The following CSMD1 variants were observed in gnomAD, a reference collection of about 807,000 sequenced individuals.
CSMD1 encodes CUB and Sushi multiple domains 1.
CSMD1 carries 213 observed loss-of-function variants against 417.5 expected under a neutral mutation model. That is an observed-to-expected ratio of 0.51 (90% CI 0.46 to 0.57). The LOEUF (loss-of-function observed/expected upper bound fraction) is 0.57. CSMD1 is among the 20% of genes least tolerant of loss of function. The pLI, the probability that CSMD1 is intolerant of heterozygous loss-of-function variation, is 0.00. For synonymous variants in CSMD1, 2,862 were observed against 1,736.8 expected (o/e 1.65, Z -16.11); for missense variants, 6,923 against 4,529.7 (o/e 1.53, Z -15.17).
intron 1 of CSMD1, among the ~76,000 whole-genome samples, chr8:4,945,025 A>G (rs953545592): frequency 6.6e-6 from 1 of 152,206 alleles, no homozygotes; most frequent in African/African-American, 2.4e-5. Flanking sequence ...AGATGAATGG[A>G]TAAGCAAAAG....
At chr8:4,223,051 T>G (rs1250743872) in intron 3 of CSMD1, among the ~76,000 whole-genome samples, 1 of 152,020 alleles carries the variant, frequency 6.6e-6, no homozygotes, top group Non-Finnish European at 1.5e-5. Context: ...GCTTCCTACA[T>G]TGGACATTGG....
At chr8:4,875,895 A>G (rs996622368) in intron 1 of CSMD1, among the ~76,000 whole-genome samples, 1 of 152,102 alleles carries the variant, frequency 6.6e-6, no homozygotes, top group South Asian at 2.1e-4. Flanking sequence ...TGAATATTTA[A>G]TTACTCAAAA....
chr8:3,267,981 G>A (rs748435716), intron 26 of CSMD1, among the ~76,000 whole-genome samples: 8 of 152,082 alleles, frequency 5.3e-5, no homozygotes, highest in Non-Finnish European at 8.8e-5. Context: ...ATGAAGACAG[G>A]GTCATTGCCC....
intron 3 of CSMD1, among the ~76,000 whole-genome samples, chr8:4,367,296 C>A (rs1026765907): frequency 6.6e-6 from 1 of 152,134 alleles, no homozygotes; most frequent in Non-Finnish European, 1.5e-5. Context: ...GTTTTCCCAG[C>A]TCCATTTTTT....
Position 4,878,739 on chromosome 8 carries a change from T to C in CSMD1, c.85+115593A>G, listed in dbSNP as rs148748934. 2.4e-3 allele frequency among the ~76,000 whole-genome samples: 364 copies of C among 152,090 alleles called. 2 individuals are homozygous for C. Among genetic ancestry groups the C allele is most frequent in the Middle Eastern group, 6.8e-3 (2 of 294 alleles). On this transcript the variant is annotated intron_variant, in intron 1 of 69. Transcript: ENST00000635120. ...ATGGCACCCAGCAGTATCTTTTGTG[T>C]AGAAAACATTCACAGTAAATTTGTG... is the stretch of plus-strand genomic sequence containing the variant.
At chr8:3,009,713 AT>A (rs1808233875) in intron 52 of CSMD1, among the ~76,000 whole-genome samples, 1 of 152,142 alleles carries the variant, frequency 6.6e-6, no homozygotes, top group African/African-American at 2.4e-5. Flanking sequence ...ATGCATAGAT[AT>A]GCATATGGTA....
chr8:4,251,567 C>A (rs923937262), intron 3 of CSMD1, among the ~76,000 whole-genome samples: 7 of 152,210 alleles, frequency 4.6e-5, no homozygotes, highest in African/African-American at 1.7e-4. Flanking sequence ...CAGTATCCCA[C>A]AGGTGACTCT....
chr8:4,743,081 G>T lies in CSMD1; in HGVS notation c.86-105523C>A, dbSNP rs1245652786. ...TTACATTAATTATTACATTAAAATT[G>T]GCTCTGCTAAGAGTCAGTATATAAT... On this transcript the variant is annotated intron_variant, in intron 1 of 69. Transcript: ENST00000635120. 2.6e-5 allele frequency among the ~76,000 whole-genome samples: 4 copies of T among 152,014 alleles called. No individual in the cohort carries two copies. The South Asian group carries it at 6.2e-4, about 24-fold the overall frequency.
At chr8:3,862,690 T>A (rs1363084422) in intron 5 of CSMD1, among the ~76,000 whole-genome samples, 1 of 152,174 alleles carries the variant, frequency 6.6e-6, no homozygotes, top group Non-Finnish European at 1.5e-5. Context: ...CTTTTCTATA[T>A]AGGAATTCAA....
At chr8:2,975,831 A>G (rs1228387786) in intron 55 of CSMD1, among the ~76,000 whole-genome samples, 1 of 152,184 alleles carries the variant, frequency 6.6e-6, no homozygotes, top group African/African-American at 2.4e-5. Flanking sequence ...TGTTAATGAC[A>G]CCAAGCGGAG....
Position 4,098,900 on chromosome 8 carries a change from G to C in CSMD1, c.416-66801C>G, listed in dbSNP as rs78444220. On this transcript the variant is annotated intron_variant, in intron 3 of 69. Transcript: ENST00000635120. Reference sequence around the variant, plus strand: ...CAGAAAGCACTGAGGACCAACTGTGGGTTAGAACCAGTATTAGAGACTGGG... The same window carrying C: ...CAGAAAGCACTGAGGACCAACTGTGCGTTAGAACCAGTATTAGAGACTGGG... 9.2e-3 allele frequency among the ~76,000 whole-genome samples: 1,401 copies of C among 152,148 alleles called. 17 individuals carry two copies. The highest frequency in any genetic ancestry group is 0.032 in the African/African-American group (1,313 of 41,474).
chr8:4,734,171 C>T (rs770462795), intron 1 of CSMD1, among the ~76,000 whole-genome samples: 3 of 151,984 alleles, frequency 2.0e-5, no homozygotes, highest in African/African-American at 4.8e-5. Context: ...AGAGCTTGTA[C>T]TGGGACATTT....
chr8:4,237,046 G>A (rs891542550), intron 3 of CSMD1, among the ~76,000 whole-genome samples: 1 of 152,144 alleles, frequency 6.6e-6, no homozygotes, highest in African/African-American at 2.4e-5. Flanking sequence ...TGTTGCCATG[G>A]ACAGATAACA....
At chr8:3,837,527 A>G (rs1336324433) in intron 5 of CSMD1, among the ~76,000 whole-genome samples, 2 of 152,194 alleles carry the variant, frequency 1.3e-5, no homozygotes, top group African/African-American at 4.8e-5. Flanking sequence ...GAGACATTTA[A>G]AAAACAACAC....
At chr8:3,825,328 G>C (rs749578181) in intron 5 of CSMD1, among the ~76,000 whole-genome samples, 2 of 152,074 alleles carry the variant, frequency 1.3e-5, no homozygotes, top group Non-Finnish European at 2.9e-5. Context: ...TCAGGAGCTC[G>C]AGACCAGCTT....
intron 2 of CSMD1, among the ~76,000 whole-genome samples, chr8:4,442,268 T>C (rs905542204): frequency 2.0e-5 from 3 of 152,166 alleles, no homozygotes; most frequent in Non-Finnish European, 4.4e-5. Context: ...AATTTTGTTT[T>C]TATAACAGTA....
chr8:3,107,873 C>T (rs1816250644), intron 44 of CSMD1, 75 bp from the exon 45 acceptor site: 1 of 934,262 alleles, frequency 1.1e-6, no homozygotes, highest in African/African-American at 1.7e-5. Context: ...ACAAAACATT[C>T]ATCTTGCAGT....
chr8:4,503,352 A>T (rs1802356214), intron 2 of CSMD1, among the ~76,000 whole-genome samples: 1 of 152,170 alleles, frequency 6.6e-6, no homozygotes, highest in African/African-American at 2.4e-5. Context: ...AACATTTTTT[A>T]TGCCTACCAT....
chr8:3,791,158 T>C (rs1033396065), intron 5 of CSMD1, among the ~76,000 whole-genome samples: 4 of 152,348 alleles, frequency 2.6e-5, no homozygotes, highest in African/African-American at 4.8e-5. Context: ...TTCTAGGTTA[T>C]TACTTATATT....
Sources: allele counts gnomAD v4.1 joint callset (sites outside exome capture counted in the v4.1 genomes callset), GRCh38; gene constraint gnomAD v4.1.1; transcripts MANE v1.5; gene names NCBI Gene and HGNC (gene_info 2026-07-23, HGNC 2026-07-21).